MARCHF1: variants seen among roughly 807,000 people sequenced by gnomAD.
MARCHF1 encodes the protein E3 ubiquitin-protein ligase MARCHF1.
MARCHF1 carries 40 observed loss-of-function variants against 54.2 expected under a neutral mutation model. The observed-to-expected ratio is 0.74, with a 90% CI of 0.57 to 0.96. The LOEUF (loss-of-function observed/expected upper bound fraction) is 0.96, where lower values mean the gene tolerates loss of function less well. Ranked by LOEUF, MARCHF1 falls within the 40% of genes least tolerant of loss-of-function variation. MARCHF1 has a pLI of 0.00. For missense variants in MARCHF1, 586 were observed against 656.5 expected (o/e 0.89, Z 1.17); for synonymous variants, 236 against 236.3 (o/e 1.00, Z 0.01).
chr4:163,738,313 G>T (rs1441113773), intron 4 of MARCHF1, among the ~76,000 whole-genome samples: 1 of 152,144 alleles, frequency 6.6e-6, no homozygotes, highest in Non-Finnish European at 1.5e-5. Context: ...CTTCTTTGGG[G>T]CCATTTGAAC....
intron 5 of MARCHF1, among the ~76,000 whole-genome samples, chr4:163,633,228 G>A (rs1055416624): frequency 5.9e-5 from 9 of 152,282 alleles, no homozygotes; most frequent in East Asian, 1.9e-4. Flanking sequence ...CACCAGCAAC[G>A]GAACAAAGCT....
Position 164,317,291 on chromosome 4 carries a change from T to A in MARCHF1, c.-323+66579A>T, listed in dbSNP as rs1036782462. On this transcript the variant is annotated intron_variant, in intron 1 of 9. Coordinates refer to ENST00000514618, the MANE Select transcript of MARCHF1 (RefSeq NM_001394959.1). ...TTAACTTCAGCTGTATAATACAACATCTAAAATAACCGTTGCTTAAACAAG... is the reference window on the plus strand; with the variant it reads ...TTAACTTCAGCTGTATAATACAACAACTAAAATAACCGTTGCTTAAACAAG... Among the ~76,000 whole-genome samples, 6 of 152,306 alleles carry A rather than the reference T, an allele frequency of 3.9e-5. No individual in the cohort carries two copies. In the East Asian group the frequency reaches 1.2e-3, roughly 29 times the overall value.
At chr4:163,837,097 C>A (rs1220159184) in intron 4 of MARCHF1, among the ~76,000 whole-genome samples, 1 of 152,080 alleles carries the variant, frequency 6.6e-6, no homozygotes, top group Non-Finnish European at 1.5e-5. Flanking sequence ...TAAGGACACA[C>A]CACTAATTTT....
chr4:163,708,144 C>A (rs2111248603), intron 4 of MARCHF1, among the ~76,000 whole-genome samples: 1 of 151,584 alleles, frequency 6.6e-6, no homozygotes, highest in African/African-American at 2.4e-5. Flanking sequence ...TTTCTAACAC[C>A]CTCAGAAACA....
In MARCHF1 at chr4:164,043,939, A is replaced by C. The variant is rs78115244; in HGVS notation, c.-247-55230T>G. On this transcript the variant is annotated intron_variant, in intron 2 of 9. Coordinates refer to ENST00000514618, the MANE Select transcript of MARCHF1 (RefSeq NM_001394959.1). ...GGGCAGGTGCCAGTCTCTTTGCGAA[A>C]GCATAGCAAGAGTCACCTTTACTCC... Among the ~76,000 whole-genome samples the C allele has an allele frequency of 7.3e-3, 1,109 of 152,340 alleles. 17 individuals carry two copies. The highest frequency in any genetic ancestry group is 0.026 in the African/African-American group (1,073 of 41,580).
intron 4 of MARCHF1, among the ~76,000 whole-genome samples, chr4:163,790,033 T>C (rs1747731944): frequency 1.3e-5 from 2 of 152,090 alleles, no homozygotes; most frequent in Admixed American, 6.6e-5. Context: ...GATAAATAGC[T>C]AAGATCAGGA....
At chr4:163,928,561 C>T (rs1052185785) in intron 3 of MARCHF1, among the ~76,000 whole-genome samples, 2 of 151,918 alleles carry the variant, frequency 1.3e-5, no homozygotes, top group African/African-American at 4.8e-5. Context: ...ATCTTAACTG[C>T]ATTATCACAA....
intron 3 of MARCHF1, among the ~76,000 whole-genome samples, chr4:163,862,549 A>G (rs973883474): frequency 1.3e-5 from 2 of 152,092 alleles, no homozygotes; most frequent in African/African-American, 2.4e-5. Flanking sequence ...ACAAATTGAT[A>G]ATACCAAATA....
intron 2 of MARCHF1, among the ~76,000 whole-genome samples, chr4:164,079,350 A>T (rs1755046147): frequency 6.6e-6 from 1 of 152,218 alleles, no homozygotes; most frequent in Non-Finnish European, 1.5e-5. Context: ...AAACTGAAAA[A>T]TGGAAATGGA....
At position 163,577,184 on chromosome 4, in the gene MARCHF1, C is replaced by T. The variant is rs1000954073; in HGVS notation, c.1191+8565G>A. On this transcript the variant is annotated intron_variant, in intron 8 of 9. Transcript: ENST00000514618. ...TTTGTAGGGCTGCTTTGTAGGACTA[C>T]GTACTTAGGTGTGGCTTTGTGGTAT... Among the ~76,000 whole-genome samples the T allele has an allele frequency of 4.6e-5, 7 of 151,978 alleles. No individual in the cohort carries two copies. In the South Asian group the frequency reaches 8.3e-4, roughly 18 times the overall value.
intron 5 of MARCHF1, among the ~76,000 whole-genome samples, chr4:163,680,974 C>T (rs1173886773): frequency 6.7e-6 from 1 of 149,660 alleles, no homozygotes; most frequent in Admixed American, 6.7e-5. Flanking sequence ...TATTGAGTAC[C>T]TAATAATATA....
intron 1 of MARCHF1, among the ~76,000 whole-genome samples, chr4:164,241,605 T>A (rs977918795): frequency 6.6e-6 from 1 of 151,928 alleles, no homozygotes; most frequent in African/African-American, 2.4e-5. Context: ...TACTATTATA[T>A]AAAGAAATGG....
At chr4:163,866,703 G>T (rs887597244) in intron 3 of MARCHF1, among the ~76,000 whole-genome samples, 11 of 151,378 alleles carry the variant, frequency 7.3e-5, no homozygotes, top group Non-Finnish European at 7.4e-5. Flanking sequence ...CTAACCAGCT[G>T]GCTGTAAAAT....
At chr4:164,124,658 G>A (rs2110789754) in intron 1 of MARCHF1, among the ~76,000 whole-genome samples, 1 of 152,198 alleles carries the variant, frequency 6.6e-6, no homozygotes, top group South Asian at 2.1e-4. Context: ...ATTATCTTAA[G>A]TGAAATAAGC....
At chr4:163,837,672 G>GAAAACAAATTAACAAAATTA (rs59083683) in intron 4 of MARCHF1, among the ~76,000 whole-genome samples, 148,192 of 151,208 alleles carry the variant, frequency 0.98, 72,674 homozygotes, top group Middle Eastern at 1. Context: ...AAAATATAAA[G>GAAAACAAATTAACAAAATTA]AAAACAAATT....
intron 7 of MARCHF1, among the ~76,000 whole-genome samples, chr4:163,602,002 T>C (rs1344165452): frequency 6.7e-6 from 1 of 150,362 alleles, no homozygotes; most frequent in Non-Finnish European, 1.5e-5. Flanking sequence ...CTGAAAACAA[T>C]CAGAAAAAAA....
At chr4:163,857,014 A>AT (rs1749784207) in intron 3 of MARCHF1, among the ~76,000 whole-genome samples, 2 of 135,462 alleles carry the variant, frequency 1.5e-5, no homozygotes, top group African/African-American at 2.8e-5. Flanking sequence ...CTTTGTCTCG[A>AT]AAAATAAATA....
Position 163,623,418 on chromosome 4 carries a change from A to G in MARCHF1, c.163-10025T>C, listed in dbSNP as rs868494292. Reference sequence around the variant, plus strand: ...CTGTAGCACTGGTGAACAGTTCTTTATAAGTGCCAACTAATGTTATGGTGA... The same window carrying G: ...CTGTAGCACTGGTGAACAGTTCTTTGTAAGTGCCAACTAATGTTATGGTGA... On this transcript the variant is annotated intron_variant, in intron 5 of 9. Transcript: ENST00000514618. Among the ~76,000 whole-genome samples the G allele has an allele frequency of 2.2e-4, 34 of 152,308 alleles. 1 individual carries two copies. The highest frequency in any genetic ancestry group is 1.0e-3 in the South Asian group (5 of 4,826).
At chr4:164,133,184 C>A (rs1466301915) in intron 1 of MARCHF1, among the ~76,000 whole-genome samples, 1 of 152,166 alleles carries the variant, frequency 6.6e-6, no homozygotes, top group Non-Finnish European at 1.5e-5. Flanking sequence ...ATAAGGATAA[C>A]TCGGCAGAAT....
Sources: gnomAD v4.1 joint callset for allele counts (sites outside exome capture counted in the v4.1 genomes callset) on GRCh38, gnomAD v4.1.1 for gene constraint, MANE v1.5 for transcripts, NCBI Gene and HGNC (gene_info 2026-07-23, HGNC 2026-07-21) for gene names.